Variants in ADK observed in about 807,000 individuals in gnomAD.
The protein encoded by ADK is adenosine kinase.
In ADK, 24 loss-of-function variants were observed where a neutral mutation model predicts 44.7. That is an observed-to-expected ratio of 0.54 (90% CI 0.39 to 0.76). The LOEUF (loss-of-function observed/expected upper bound fraction) is 0.76. ADK is among the 30% of genes least tolerant of loss of function. The pLI, the probability that ADK is intolerant of heterozygous loss-of-function variation, is 0.00. For synonymous variants in ADK, 128 were observed against 142.6 expected, an observed-to-expected ratio of 0.90 and a Z score of 0.73; for missense variants, 321 against 425.1, an observed-to-expected ratio of 0.76 and a Z score of 2.15.
intron 6 of ADK, among the ~76,000 whole-genome samples, chr10:74,470,466 G>A (rs1846529548): frequency 6.6e-6 from 1 of 151,864 alleles, no homozygotes; most frequent in East Asian, 1.9e-4. Context: ...TATATTTCCA[G>A]AAGTGAGATT....
intron 2 of ADK, among the ~76,000 whole-genome samples, chr10:74,202,359 T>C (rs985642479): frequency 1.3e-5 from 2 of 152,202 alleles, no homozygotes; most frequent in Non-Finnish European, 2.9e-5. Flanking sequence ...TATCCATTCA[T>C]TGGTTGATGG....
intron 6 of ADK, among the ~76,000 whole-genome samples, chr10:74,426,251 T>C (rs1405916825): frequency 6.6e-6 from 1 of 152,144 alleles, no homozygotes; most frequent in Non-Finnish European, 1.5e-5. Context: ...GCTGCACACA[T>C]AGGAGTTAGT....
chr10:74,306,084 A>T (rs906710211), intron 3 of ADK, among the ~76,000 whole-genome samples: 5 of 151,576 alleles, frequency 3.3e-5, no homozygotes, highest in Admixed American at 6.6e-5. Context: ...TCTGTTACTC[A>T]TGCACAAATT....
At chr10:74,221,900 C>T (rs1392719047) in intron 2 of ADK, among the ~76,000 whole-genome samples, 3 of 151,968 alleles carry the variant, frequency 2.0e-5, no homozygotes, top group Admixed American at 1.3e-4. Flanking sequence ...AAACGTTAGA[C>T]CTAAAACCAT....
intron 9 of ADK, among the ~76,000 whole-genome samples, chr10:74,653,522 G>T (rs1191287538): frequency 2.0e-5 from 3 of 151,862 alleles, no homozygotes; most frequent in Non-Finnish European, 4.4e-5. Context: ...TTTTTCCCCT[G>T]GTGCTGCAGC....
At chr10:74,702,579 T>TTC in intron 10 of ADK, among the ~76,000 whole-genome samples, 1 of 71,474 alleles carries the variant, frequency 1.4e-5, no homozygotes, top group Admixed American at 1.6e-4. Context: ...TTCCTCTCTC[T>TTC]CTCTCTGGTC....
chr10:74,233,716 A>G (rs1269497116), intron 3 of ADK, among the ~76,000 whole-genome samples: 1 of 152,148 alleles, frequency 6.6e-6, no homozygotes, highest in Non-Finnish European at 1.5e-5. Flanking sequence ...CTTTTCTGTC[A>G]TTGTCCATTA....
intron 9 of ADK, among the ~76,000 whole-genome samples, chr10:74,645,968 T>C (rs1376929791): frequency 6.6e-6 from 1 of 152,194 alleles, no homozygotes. Context: ...GCAGCATACA[T>C]GAACATCTGC....
intron 3 of ADK, among the ~76,000 whole-genome samples, chr10:74,258,947 G>GTTTTTTTTT (rs141424052): frequency 2.8e-4 from 27 of 96,126 alleles, no homozygotes; most frequent in Non-Finnish European, 3.8e-4. Context: ...TTGTTTTTGT[G>GTTTTTTTTT]TTTTTTTTTT....
intron 7 of ADK, among the ~76,000 whole-genome samples, chr10:74,567,226 C>A (rs1850701997): frequency 2.0e-5 from 3 of 152,138 alleles, no homozygotes; most frequent in Admixed American, 2.0e-4. Context: ...TTTGTCATTT[C>A]TATGCTTCAC....
chr10:74,529,967 A>T (rs1849216966), intron 7 of ADK, among the ~76,000 whole-genome samples: 1 of 152,186 alleles, frequency 6.6e-6, no homozygotes, highest in African/African-American at 2.4e-5. Context: ...GTAAACAGTG[A>T]TTTAGATAAA....
chr10:74,345,679 A>G (rs1841741393), intron 4 of ADK, among the ~76,000 whole-genome samples: 1 of 152,080 alleles, frequency 6.6e-6, no homozygotes, highest in South Asian at 2.1e-4. Context: ...TCTCCTGTTG[A>G]CCCACATAAC....
At chr10:74,556,860 G>A (rs1283268644) in intron 7 of ADK, among the ~76,000 whole-genome samples, 1 of 152,084 alleles carries the variant, frequency 6.6e-6, no homozygotes, top group Non-Finnish European at 1.5e-5. Flanking sequence ...GTGGTATCAG[G>A]CCGTATTTAT....
chr10:74,531,087 A>G (rs1473026031), intron 7 of ADK, among the ~76,000 whole-genome samples: 1 of 152,200 alleles, frequency 6.6e-6, no homozygotes, highest in Non-Finnish European at 1.5e-5. Context: ...CAGAATCCCA[A>G]CAAGTCTTCA....
intron 6 of ADK, among the ~76,000 whole-genome samples, chr10:74,489,902 T>C (rs1401204709): frequency 1.3e-5 from 2 of 152,014 alleles, no homozygotes. Flanking sequence ...ATAATATAAT[T>C]GGATTTGCAA....
chr10:74,695,918 G>T (rs1404447889), intron 10 of ADK, among the ~76,000 whole-genome samples: 2 of 151,940 alleles, frequency 1.3e-5, no homozygotes, highest in South Asian at 4.2e-4. Context: ...GGAATTACAG[G>T]CACAAACTAC....
chr10:74,705,489 T>A (rs768465294), intron 10 of ADK, among the ~76,000 whole-genome samples: 1 of 152,246 alleles, frequency 6.6e-6, no homozygotes, highest in African/African-American at 2.4e-5. Context: ...ACCATCACTA[T>A]GGACATATCC....
intron 3 of ADK, among the ~76,000 whole-genome samples, chr10:74,295,703 G>A (rs994767456): frequency 4.0e-5 from 6 of 151,212 alleles, no homozygotes; most frequent in African/African-American, 1.2e-4. Context: ...ATGTTTGGTG[G>A]AATTCACTGG....
chr10:74,655,418 A>G (rs568810524), intron 9 of ADK: 5 of 417,266 alleles, frequency 1.2e-5, no homozygotes, highest in East Asian at 1.3e-4. Context: ...ACATCTCACC[A>G]TGCTGTAGAA....
Sources: allele counts gnomAD v4.1 joint callset (sites outside exome capture counted in the v4.1 genomes callset), GRCh38; gene constraint gnomAD v4.1.1; transcripts MANE v1.5; gene names NCBI Gene and HGNC (gene_info 2026-07-23, HGNC 2026-07-21).